FBXL3: variants seen among roughly 807,000 people sequenced by gnomAD.
FBXL3 encodes F-box and leucine rich repeat protein 3.
In FBXL3, 14 loss-of-function variants were observed where a neutral mutation model predicts 37.9. That is an observed-to-expected ratio of 0.37 (90% CI 0.24 to 0.58). The LOEUF is 0.58. Ranked by LOEUF, FBXL3 falls within the 20% of genes least tolerant of loss-of-function variation. The pLI is 0.74. For missense variants in FBXL3, 327 were observed against 511.1 expected, an observed-to-expected ratio of 0.64 and a Z score of 3.47; for synonymous variants, 194 against 180.1, an observed-to-expected ratio of 1.08 and a Z score of -0.62.
At chr13:77,023,922 A>G (rs967398121) in intron 1 of FBXL3, among the ~76,000 whole-genome samples, 2 of 152,262 alleles carry the variant, frequency 1.3e-5, no homozygotes, top group Admixed American at 1.3e-4. Context: ...TAATGCCATG[A>G]AAGTCAGTCA....
In FBXL3 at chr13:77,005,795, A is replaced by G. The variant is rs918453470; in HGVS notation, c.*1350T>C. Reference sequence around the variant, plus strand: ...GCCGCTTTAAGAATTAATGTATTCCACCGGGGTTAAATCATTTCTGATTTC... The same window carrying G: ...GCCGCTTTAAGAATTAATGTATTCCGCCGGGGTTAAATCATTTCTGATTTC... On this transcript the variant is annotated 3_prime_UTR_variant, in exon 5 of 5. Coordinates refer to ENST00000355619, the MANE Select transcript of FBXL3 (RefSeq NM_012158.4). 4 of 152,092 alleles carry G rather than the reference A, an allele frequency of 2.6e-5. No individual in the cohort carries two copies. The East Asian group carries it at 7.7e-4, about 29-fold the overall frequency. The allele number at this position is 152,092 out of a possible 1,614,324, so 9.4% of individuals were successfully genotyped here. A position where few individuals can be genotyped will look rare whatever the true frequency, so the allele number is the denominator to read the frequency against.
At chr13:77,016,836 A>G (rs2034652431) in intron 3 of FBXL3, 1 of 152,014 alleles carries the variant, frequency 6.6e-6, no homozygotes, top group South Asian at 2.1e-4. Context: ...CAACCAAAAC[A>G]CTACCTTCTT....
intron 2 of FBXL3, among the ~76,000 whole-genome samples, chr13:77,020,190 T>C (rs1400837225): frequency 1.3e-5 from 2 of 152,114 alleles, no homozygotes; most frequent in Non-Finnish European, 2.9e-5. Flanking sequence ...ACCAATTAAG[T>C]TTCAGGTAAA....
chr13:77,011,565 T>G (rs1368563077), intron 4 of FBXL3, among the ~76,000 whole-genome samples: 1 of 151,572 alleles, frequency 6.6e-6, no homozygotes, highest in African/African-American at 2.4e-5. Context: ...CTACAAAAAT[T>G]ACAAAGTATT....
At chr13:77,014,718 C>T (rs891154695) in intron 4 of FBXL3, 2 of 152,192 alleles carry the variant, frequency 1.3e-5, no homozygotes, top group Non-Finnish European at 2.9e-5. Flanking sequence ...AAAGGATCAG[C>T]AAACATGTCA....
intron 2 of FBXL3, chr13:77,018,963 G>C (rs1460781399): frequency 3.1e-6 from 1 of 326,872 alleles, no homozygotes; most frequent in African/African-American, 2.1e-5. Flanking sequence ...AAAGTATAAG[G>C]GCAATTGTCA....
chr13:77,024,676 T>C (rs567422921), intron 1 of FBXL3, among the ~76,000 whole-genome samples: 1 of 152,286 alleles, frequency 6.6e-6, no homozygotes, highest in South Asian at 2.1e-4. Flanking sequence ...GTTAAAGAAG[T>C]TGACAAAATT....
chr13:77,011,814 A>G (rs76054371), intron 4 of FBXL3, among the ~76,000 whole-genome samples: 2,306 of 152,270 alleles, frequency 0.015, 33 homozygotes, highest in East Asian at 0.071. Flanking sequence ...TAGCATGGCT[A>G]TAATCAAAAA....
intron 1 of FBXL3, among the ~76,000 whole-genome samples, chr13:77,025,231 G>A (rs2034815588): frequency 6.6e-6 from 1 of 152,168 alleles, no homozygotes; most frequent in Non-Finnish European, 1.5e-5. Flanking sequence ...GAAATCTAGA[G>A]CACCAAAACT....
intron 4 of FBXL3, chr13:77,009,719 G>GA (rs2034515124): frequency 6.6e-6 from 1 of 152,136 alleles, no homozygotes; most frequent in Admixed American, 6.5e-5. Flanking sequence ...TCTAGAACTA[G>GA]AAATACCATT....
chr13:77,024,906 T>C lies in FBXL3; in HGVS notation c.-2+1921A>G, dbSNP rs554020945. Reference sequence around the variant, plus strand: ...TCCAATAAAAATATCCTCTGCACTATCCTCATTTGTGCATGAAAATAACAG... The same window carrying C: ...TCCAATAAAAATATCCTCTGCACTACCCTCATTTGTGCATGAAAATAACAG... On this transcript the variant is annotated intron_variant, in intron 1 of 4. Transcript: ENST00000355619. Among the ~76,000 whole-genome samples the C allele has an allele frequency of 2.6e-5, 4 of 152,318 alleles. No individual in the cohort carries two copies. In the South Asian group the frequency reaches 8.3e-4, roughly 32 times the overall value.
rs780103627 is a variant in FBXL3, at chr13:77,007,510, T to C, written c.922A>G (p.Ile308Val). ...CCAAAGTACAGATGGGTGGCAGGTATTTCATAGCGAAAGAAGGGGTCAAAT... is the reference window on the plus strand; with the variant it reads ...CCAAAGTACAGATGGGTGGCAGGTACTTCATAGCGAAAGAAGGGGTCAAAT... ...EEFDPFFRYE[I>V]PATHLYFGRS... The change falls in exon 5 of 5, where the codon ATA (isoleucine) becomes GTA (valine). Residue 308 changes from isoleucine to valine, a missense_variant. Transcript: ENST00000355619. 9 of 1,614,050 alleles carry C rather than the reference T, an allele frequency of 5.6e-6. No homozygotes were observed. Among genetic ancestry groups the C allele is most frequent in the Non-Finnish European group, 7.6e-6 (9 of 1,180,034 alleles).
In FBXL3 at chr13:77,007,546, A is replaced by T. The variant is rs373258013; in HGVS notation, c.886T>A (p.Tyr296Asn). The T allele has an allele frequency of 1.0e-4, 168 of 1,614,062 alleles. No individual in the cohort carries two copies. The highest frequency in any genetic ancestry group is 1.4e-4 in the Non-Finnish European group (163 of 1,180,036). ...KVNLVMYFFL[Y>N]EEEFDPFFRY... ...AAGAAGGGGTCAAATTCTTCTTCAT[A>T]TAAAAAAAAATACATCACTAAGTTC... The change falls in exon 5 of 5, where the codon TAT becomes AAT. Residue 296 changes from tyrosine (Y) to asparagine (N), a missense_variant. Physicochemically the swap from Tyr to Asn is moderately radical, Grantham distance 143. Coordinates refer to ENST00000355619, the MANE Select transcript of FBXL3 (RefSeq NM_012158.4).
At chr13:77,018,480 T>C (rs2034684038) in intron 3 of FBXL3, 120 bp downstream of exon 3, 1 of 637,584 alleles carries the variant, frequency 1.6e-6, no homozygotes, top group Admixed American at 4.0e-5. Flanking sequence ...AAATAGTAAC[T>C]GGTTTTCCAT....
chr13:77,009,773 A>G (rs887434719), intron 4 of FBXL3: 1 of 152,250 alleles, frequency 6.6e-6, no homozygotes, highest in Non-Finnish European at 1.5e-5. Context: ...AAAGGATTAT[A>G]AATCATTCTA....
intron 4 of FBXL3, chr13:77,009,024 C>G (rs1377632734): frequency 2.0e-5 from 3 of 152,136 alleles, no homozygotes; most frequent in Non-Finnish European, 4.4e-5. Context: ...TGTTATCCCA[C>G]AAATAATTTT....
chr13:77,010,102 G>C (rs150315018), intron 4 of FBXL3: 1 of 152,146 alleles, frequency 6.6e-6, no homozygotes, highest in Non-Finnish European at 1.5e-5. Flanking sequence ...GGTGCCTGTC[G>C]GGAGTTGGGG....
chr13:77,026,525 G>A (rs373337692), intron 1 of FBXL3, among the ~76,000 whole-genome samples: 1 of 152,202 alleles, frequency 6.6e-6, no homozygotes, highest in African/African-American at 2.4e-5. Flanking sequence ...AGCCTGGCAG[G>A]AGCCGCGGCG....
intron 1 of FBXL3, chr13:77,026,217 C>T: frequency 1.0e-6 from 1 of 985,424 alleles, no homozygotes; most frequent in Non-Finnish European, 1.2e-6. Flanking sequence ...CTTCCTGACC[C>T]CTGTCTGCAA....
Sources: gnomAD v4.1 joint callset for allele counts (sites outside exome capture counted in the v4.1 genomes callset) on GRCh38, gnomAD v4.1.1 for gene constraint, MANE v1.5 for transcripts, NCBI Gene and HGNC (gene_info 2026-07-23, HGNC 2026-07-21) for gene names.